The following CENPC variants were observed in gnomAD, a reference collection of about 807,000 sequenced individuals.
CENPC encodes CENP-C 1.
CENPC carries 63 observed loss-of-function variants against 112.1 expected under a neutral mutation model. That is an observed-to-expected ratio of 0.56 (90% CI 0.46 to 0.69). The LOEUF (loss-of-function observed/expected upper bound fraction) is 0.69, where lower values mean the gene tolerates loss of function less well. Ranked by LOEUF, CENPC falls within the 30% of genes least tolerant of loss-of-function variation. The pLI is 0.00. For synonymous variants in CENPC, 333 were observed against 367.6 expected (o/e 0.91, Z 1.08); for missense variants, 1,000 against 1,103.8 (o/e 0.91, Z 1.33).
chr4:67,472,767 T>TA (rs1724702186), intron 18 of CENPC, 92 bp from the exon 19 acceptor site: 1 of 1,262,548 alleles, frequency 7.9e-7, no homozygotes, highest in Admixed American at 3.9e-5. Context: ...AGTTGTAGTA[T>TA]AGGACACAAG....
chr4:67,492,941 C>T lies in CENPC; in HGVS notation c.2347G>A (p.Ala783Thr), dbSNP rs369662983. Residue 783 changes from alanine to threonine, a missense_variant, in exon 15 of 19, where the codon GCA (alanine) becomes ACA (threonine). By Grantham distance (58) the Ala-to-Thr change is moderately conservative. Coordinates refer to ENST00000273853, the MANE Select transcript of CENPC (RefSeq NM_001812.4). ...TTGACTTTTCCAATATTTTCTTTTG[C>T]CTTCCTTTTAGACGATATTGTGTCT... Reference protein sequence around the residue: ...SPDTISSKRKAKENIGKVNKK... With the variant: ...SPDTISSKRKTKENIGKVNKK... 28 of 1,559,568 alleles carry T rather than the reference C, an allele frequency of 1.8e-5. No homozygotes were observed. Among genetic ancestry groups the T allele is most frequent in the Non-Finnish European group, 2.3e-5 (26 of 1,150,594 alleles).
chr4:67,534,652 TTC>T (rs1370723564), intron 4 of CENPC, among the ~76,000 whole-genome samples: 4 of 152,242 alleles, frequency 2.6e-5, no homozygotes, highest in Admixed American at 2.0e-4. Context: ...CGGGAAAGAT[TTC>T]TTTGTCAGAA....
chr4:67,522,834 T>G (rs1726266286), intron 5 of CENPC, among the ~76,000 whole-genome samples: 1 of 152,010 alleles, frequency 6.6e-6, no homozygotes, highest in South Asian at 2.1e-4. Context: ...ACCCCATCTC[T>G]ACTAAAAATA....
At chr4:67,494,137 T>C (rs1725362993) in intron 13 of CENPC, 149 bp from the exon 14 acceptor site, 1 of 536,988 alleles carries the variant, frequency 1.9e-6, no homozygotes, top group Non-Finnish European at 3.2e-6. Context: ...CAAATATTTA[T>C]GCTAACAATT....
chr4:67,514,648 C>G lies in CENPC; in HGVS notation c.870G>C (p.Ser290=), dbSNP rs781649108. The change falls in exon 8 of 19, where the codon TCG becomes TCC. Residue 290 remains serine (S), a synonymous_variant. Coordinates refer to ENST00000273853, the MANE Select transcript of CENPC (RefSeq NM_001812.4). ...VRHAATAPPH[S]CPPDDTKLIE... ...TCAACTTCGTATCATCGGGAGGACA[C>G]GAATGAGGTGGAGCAGTTGCCGCAT... 6.2e-7 allele frequency: 1 copy of G among 1,608,424 alleles called. No individual in the cohort carries two copies. Among genetic ancestry groups the G allele is most frequent in the Non-Finnish European group, 8.5e-7 (1 of 1,177,758 alleles).
intron 9 of CENPC, chr4:67,510,838 A>G (rs1189385664): frequency 8.1e-6 from 3 of 368,286 alleles, no homozygotes; most frequent in Non-Finnish European, 1.6e-5. Flanking sequence ...ACTATATGAT[A>G]TATAAAGATT....
intron 9 of CENPC, among the ~76,000 whole-genome samples, chr4:67,509,330 G>A (rs999797994): frequency 6.6e-5 from 10 of 151,292 alleles, no homozygotes; most frequent in Non-Finnish European, 1.2e-4. Flanking sequence ...ATATGAAACA[G>A]GCCCTTCAAA....
chr4:67,514,984 T>C (rs1035154781), intron 7 of CENPC, among the ~76,000 whole-genome samples: 1 of 116,442 alleles, frequency 8.6e-6, no homozygotes, highest in African/African-American at 3.4e-5. Flanking sequence ...AGAGATATAA[T>C]TATAACTCAG....
At chr4:67,528,823 T>C (rs1485511583) in intron 5 of CENPC, among the ~76,000 whole-genome samples, 1 of 152,162 alleles carries the variant, frequency 6.6e-6, no homozygotes, top group African/African-American at 2.4e-5. Flanking sequence ...TCAATTCTTT[T>C]GGGTATATAC....
rs549073415 is a variant in CENPC, at chr4:67,470,408, C to A, written c.*2197G>T. ...CCAACATGGTGAAAATCTGTCTCTA[C>A]TAAAAACACAAAAACTAGCCAGGCG... On this transcript the variant is annotated 3_prime_UTR_variant, in exon 19 of 19. Transcript: ENST00000273853. The A allele has an allele frequency of 2.0e-5, 3 of 151,752 alleles. No homozygotes were observed. Among genetic ancestry groups the A allele is most frequent in the Non-Finnish European group, 4.4e-5 (3 of 67,964 alleles). The allele number at this position is 151,752 out of a possible 1,614,324, so 9.4% of individuals were successfully genotyped here.
At chr4:67,518,015 TA>T in intron 7 of CENPC, 140 bp downstream of exon 7, 1 of 508,728 alleles carries the variant, frequency 2.0e-6, no homozygotes, top group Non-Finnish European at 3.4e-6. Context: ...CATCTCTCCT[TA>T]CAGGTCAGAA....
In CENPC at chr4:67,506,922, G is replaced by A; in HGVS notation, c.1917C>T (p.Ser639=). 1 of 1,605,814 alleles carries A rather than the reference G, an allele frequency of 6.2e-7. No homozygotes were observed. Among genetic ancestry groups the A allele is most frequent in the Non-Finnish European group, 8.5e-7 (1 of 1,176,890 alleles). The change falls in exon 11 of 19, where the codon AGC becomes AGT. Residue 639 remains serine, a synonymous_variant. Transcript: ENST00000273853. ...KNLDCSRSTR[S]SKNEDNIMTA... Reference sequence around the variant, plus strand: ...TCATAATGTTATCTTCATTCTTTGAGCTTCTTGTAGATCTATAAAAATGAT... The same window carrying A: ...TCATAATGTTATCTTCATTCTTTGAACTTCTTGTAGATCTATAAAAATGAT...
intron 17 of CENPC, among the ~76,000 whole-genome samples, chr4:67,483,618 A>G (rs1282502259): frequency 6.6e-6 from 1 of 152,146 alleles, no homozygotes; most frequent in East Asian, 1.9e-4. Flanking sequence ...GAAGAAACCA[A>G]TGTTATTATA....
Position 67,508,794 on chromosome 4 carries a change from G to A in CENPC, c.1904+20C>T, listed in dbSNP as rs1468440879. The A allele has an allele frequency of 6.2e-7, 1 of 1,604,454 alleles. No homozygotes were observed. Among genetic ancestry groups the A allele is most frequent in the African/African-American group, 1.3e-5 (1 of 74,400 alleles). On this transcript the variant is annotated intron_variant, in intron 10 of 18. Transcript: ENST00000273853. ...GCTGAACAACAAAAGTAACTATATT[G>A]TACACATAACAGACATTACCTAGAA...
At chr4:67,512,595 A>C in intron 8 of CENPC, 26 bp from the exon 9 acceptor site, 1 of 1,451,758 alleles carries the variant, frequency 6.9e-7, no homozygotes, top group Non-Finnish European at 9.1e-7. Flanking sequence ...CCATAAAACC[A>C]ATTCACAATC....
intron 5 of CENPC, among the ~76,000 whole-genome samples, chr4:67,521,208 A>AG (rs1168786709): frequency 1.3e-5 from 2 of 150,534 alleles, no homozygotes; most frequent in Non-Finnish European, 3.0e-5. Flanking sequence ...ACAAACCAAA[A>AG]AAAAAAAAAA....
At chr4:67,504,219 CACT>C (rs1273822388) in intron 12 of CENPC, among the ~76,000 whole-genome samples, 1 of 151,468 alleles carries the variant, frequency 6.6e-6, no homozygotes, top group Non-Finnish European at 1.5e-5. Context: ...AAAGAAAAAT[CACT>C]ACAATTTAGA....
chr4:67,504,422 G>GA (rs577292838), intron 12 of CENPC, among the ~76,000 whole-genome samples: 3 of 151,700 alleles, frequency 2.0e-5, no homozygotes, highest in Admixed American at 6.6e-5. Context: ...GTGATTATTA[G>GA]AAAAAAAAGT....
intron 9 of CENPC, chr4:67,511,130 A>G: frequency 2.2e-6 from 1 of 448,992 alleles, no homozygotes; most frequent in Non-Finnish European, 4.5e-6. Flanking sequence ...CCTTATAAAA[A>G]CTCAATGAGG....
Sources: gnomAD v4.1 joint callset for allele counts (sites outside exome capture counted in the v4.1 genomes callset) on GRCh38, gnomAD v4.1.1 for gene constraint, MANE v1.5 for transcripts, NCBI Gene and HGNC (gene_info 2026-07-23, HGNC 2026-07-21) for gene names.